Variants in UBAP2L observed in about 807,000 individuals in gnomAD.
UBAP2L encodes ubiquitin-associated protein 2-like.
A neutral mutation model predicts 130.6 loss-of-function variants in UBAP2L; 12 were observed. That is an observed-to-expected ratio of 0.09 (90% CI 0.06 to 0.15). The LOEUF is 0.15. Among genes scored for constraint, UBAP2L ranks in the 10% least tolerant of loss-of-function variants. The pLI is 1.00. For missense variants in UBAP2L, 965 were observed against 1,332.5 expected (o/e 0.72, Z 4.29); for synonymous variants, 503 against 524.7 (o/e 0.96, Z 0.57).
At chr1:154,235,846 C>T (rs1046732562) in intron 6 of UBAP2L, among the ~76,000 whole-genome samples, 1 of 152,008 alleles carries the variant, frequency 6.6e-6, no homozygotes, top group African/African-American at 2.4e-5. Context: ...AGAGATCTTC[C>T]TGCTTGGCCT....
intron 1 of UBAP2L, among the ~76,000 whole-genome samples, chr1:154,223,132 C>A (rs1402512061): frequency 6.6e-6 from 1 of 151,918 alleles, no homozygotes; most frequent in Non-Finnish European, 1.5e-5. Flanking sequence ...TAAAAATTTT[C>A]TTAGTCACAT....
chr1:154,265,737 G>A (rs1683049050), intron 24 of UBAP2L, among the ~76,000 whole-genome samples: 1 of 151,894 alleles, frequency 6.6e-6, no homozygotes, highest in Non-Finnish European at 1.5e-5. Context: ...TGAGAGTTGG[G>A]GTATGAGAGC....
At chr1:154,254,733 C>T (rs1179800605) in intron 15 of UBAP2L, 103 bp from the exon 16 acceptor site, 2 of 1,248,866 alleles carry the variant, frequency 1.6e-6, no homozygotes, top group Middle Eastern at 1.9e-4. Context: ...CAGAGTTTCT[C>T]CTAAAGATTT....
At chr1:154,263,181 G>T in intron 24 of UBAP2L, 4 of 1,550,410 alleles carry the variant, frequency 2.6e-6, no homozygotes, top group Non-Finnish European at 3.5e-6. Context: ...GCTGTGTTTT[G>T]TGTGTGTGTA....
At chr1:154,220,711 C>A (rs534444386), upstream of UBAP2L, 10 of 427,756 alleles carry the variant, frequency 2.3e-5, no homozygotes, top group East Asian at 3.6e-4. Context: ...CCGTGCGTCA[C>A]GTGGTGGAGG....
intron 2 of UBAP2L, among the ~76,000 whole-genome samples, chr1:154,227,045 A>C (rs533119688): frequency 6.6e-6 from 1 of 152,314 alleles, no homozygotes; most frequent in Non-Finnish European, 1.5e-5. Context: ...CTGGTCTCAA[A>C]CTACTCACAT....
chr1:154,261,122 C>G lies in UBAP2L; in HGVS notation c.2796+13C>G. 6.2e-7 allele frequency: 1 copy of G among 1,611,524 alleles called. No homozygotes were observed. Among genetic ancestry groups the G allele is most frequent in the Non-Finnish European group, 8.5e-7 (1 of 1,178,344 alleles). Reference sequence around the variant, plus strand: ...TGCTGTGTTCCCTGTGAGTACCTGGCTTTGGTCACTCCTTGTGGTGAAGGA... The same window carrying G: ...TGCTGTGTTCCCTGTGAGTACCTGGGTTTGGTCACTCCTTGTGGTGAAGGA... On this transcript the variant is annotated intron_variant, in intron 23 of 26. Transcript: ENST00000428931.
At chr1:154,260,703 G>A (rs771845143) in intron 22 of UBAP2L, among the ~76,000 whole-genome samples, 189 bp from the exon 23 acceptor site, 15 of 152,210 alleles carry the variant, frequency 9.9e-5, no homozygotes, top group Non-Finnish European at 2.1e-4. Context: ...ATTAGTCCTT[G>A]ACTTGCAGCA....
At chr1:154,252,962 A>G (rs959727434) in intron 14 of UBAP2L, among the ~76,000 whole-genome samples, 1 of 152,204 alleles carries the variant, frequency 6.6e-6, no homozygotes, top group African/African-American at 2.4e-5. Context: ...GTTATAATGT[A>G]TAGAAGGGGC....
At chr1:154,233,874 T>C (rs1436630773) in intron 4 of UBAP2L, among the ~76,000 whole-genome samples, 1 of 146,868 alleles carries the variant, frequency 6.8e-6, no homozygotes, top group African/African-American at 2.7e-5. Context: ...ATTAGTTTTT[T>C]CTTTTTTTTT....
chr1:154,246,097 A>G (rs1675387602), intron 10 of UBAP2L, 107 bp from the exon 11 acceptor site: 2 of 1,262,322 alleles, frequency 1.6e-6, no homozygotes, highest in East Asian at 2.4e-5. Flanking sequence ...ACCCTTTTAG[A>G]AGAAGCCCCA....
chr1:154,270,501 C>G lies in UBAP2L; in HGVS notation c.*206C>G. On this transcript the variant is annotated 3_prime_UTR_variant, in exon 27 of 27. Transcript: ENST00000428931. ...TGTATTATAGGATTTGTATTTTCTC[C>G]TTTTTTTTCCCCCTTCCATTCCTTC... 2 of 1,453,118 alleles carry G rather than the reference C, an allele frequency of 1.4e-6. No homozygotes were observed. Among genetic ancestry groups the G allele is most frequent in the Non-Finnish European group, 1.8e-6 (2 of 1,107,422 alleles). 90.0% of individuals were successfully genotyped at this position (1,453,118 alleles called of 1,614,324 possible). A position where few individuals can be genotyped will look rare whatever the true frequency, so the allele number is the denominator to read the frequency against.
At chr1:154,250,407 T>C (rs1376508449) in intron 12 of UBAP2L, among the ~76,000 whole-genome samples, 1 of 152,144 alleles carries the variant, frequency 6.6e-6, no homozygotes, top group African/African-American at 2.4e-5. Context: ...AACAACGTTA[T>C]GCCAAGATAT....
At chr1:154,221,036 G>A in intron 1 of UBAP2L, 61 bp downstream of exon 1, 2 of 205,184 alleles carry the variant, frequency 9.7e-6, no homozygotes, top group Non-Finnish European at 2.0e-5. Flanking sequence ...GCGCGGCGGG[G>A]CCGGGTATTG....
chr1:154,245,258 G>A (rs1353762564), intron 10 of UBAP2L, among the ~76,000 whole-genome samples: 1 of 152,112 alleles, frequency 6.6e-6, no homozygotes, highest in East Asian at 1.9e-4. Flanking sequence ...CCCTCATCCT[G>A]AAACTATCTG....
intron 12 of UBAP2L, among the ~76,000 whole-genome samples, chr1:154,249,875 A>G (rs1280159239): frequency 7.8e-6 from 1 of 128,898 alleles, no homozygotes; most frequent in Non-Finnish European, 1.7e-5. Flanking sequence ...AAAAAAAAAA[A>G]AAAAAAGAAA....
intron 20 of UBAP2L, 171 bp from the exon 21 acceptor site, chr1:154,258,806 C>G (rs1283021664): frequency 1.8e-6 from 1 of 554,862 alleles, no homozygotes; most frequent in Non-Finnish European, 3.2e-6. Flanking sequence ...ATCATTTAAT[C>G]TCTGTGTACT....
chr1:154,237,194 T>A (rs1264996959), intron 8 of UBAP2L, 58 bp downstream of exon 8: 1 of 1,462,062 alleles, frequency 6.8e-7, no homozygotes, highest in African/African-American at 1.4e-5. Flanking sequence ...AATAGTTTTT[T>A]CTGATTATAC....
chr1:154,254,695 A>G, intron 15 of UBAP2L, 141 bp from the exon 16 acceptor site: 1 of 918,764 alleles, frequency 1.1e-6, no homozygotes, highest in South Asian at 1.6e-5. Context: ...TCTACATTGT[A>G]TTAATATTAA....
Sources: allele counts gnomAD v4.1 joint callset (sites outside exome capture counted in the v4.1 genomes callset), GRCh38; gene constraint gnomAD v4.1.1; transcripts MANE v1.5; gene names NCBI Gene and HGNC (gene_info 2026-07-23, HGNC 2026-07-21).